NOP2: variants seen among roughly 807,000 people sequenced by gnomAD.
The protein encoded by NOP2 is NOP2 nucleolar protein.
In NOP2, 7 loss-of-function variants were observed where a neutral mutation model predicts 72.7. That is an observed-to-expected ratio of 0.10 (90% CI 0.05 to 0.18). NOP2 has a LOEUF of 0.18. Among genes scored for constraint, NOP2 ranks in the 10% least tolerant of loss-of-function variants. The pLI is 1.00. For synonymous variants in NOP2, 387 were observed against 388.0 expected (o/e 1.00, Z 0.03); for missense variants, 954 against 1,014.7 (o/e 0.94, Z 0.81).
chr12:6,557,668 G>A (rs180936422), intron 15 of NOP2, 26 bp from the exon 16 acceptor site: 3 of 1,574,762 alleles, frequency 1.9e-6, no homozygotes. Flanking sequence ...AACAGATGGT[G>A]TCAGAAAATG....
chr12:6,566,841 C>T lies in NOP2; in HGVS notation c.104-19G>A, dbSNP rs370808041. Reference sequence around the variant, plus strand: ...TCACTTACTGTTTAAAAAAGAAAAACGAGGCAGAACAAGTTACAGGGGACA... The same window carrying T: ...TCACTTACTGTTTAAAAAAGAAAAATGAGGCAGAACAAGTTACAGGGGACA... On this transcript the variant is annotated intron_variant, in intron 2 of 15. Coordinates refer to ENST00000322166, the MANE Select transcript of NOP2 (RefSeq NM_001258308.2). 3.7e-5 allele frequency: 60 copies of T among 1,602,650 alleles called. No individual in the cohort carries two copies. The highest frequency in any genetic ancestry group is 1.7e-4 in the Middle Eastern group (1 of 6,052).
rs988865275 is a variant in NOP2, at chr12:6,563,697, T to A, written c.605A>T (p.Lys202Met). The A allele has an allele frequency of 1.9e-6, 3 of 1,613,582 alleles. No individual in the cohort carries two copies. In the African/African-American group the frequency reaches 4.0e-5, roughly 22 times the overall value. ...CAGGCCCCCATCTGCCTCTTCCACC[T>A]TTGGGGGGCCTGACTCAGGGGTCAC... Reference protein sequence around the residue: ...KEVTPESGPPKVEEADGGLQI... With the variant: ...KEVTPESGPPMVEEADGGLQI... The change falls in exon 7 of 16, where the codon AAG (lysine) becomes ATG (methionine). Residue 202 changes from lysine to methionine, a missense_variant. Transcript: ENST00000322166.
At chr12:6,564,075 C>G in intron 5 of NOP2, 129 bp from the exon 6 acceptor site, 1 of 1,531,090 alleles carries the variant, frequency 6.5e-7, no homozygotes, top group South Asian at 1.2e-5. Context: ...AATAGAGGAG[C>G]AAAGAAATGA....
chr12:6,563,978 C>T (rs779782932), intron 5 of NOP2, 32 bp from the exon 6 acceptor site: 4 of 1,607,600 alleles, frequency 2.5e-6, no homozygotes, highest in East Asian at 4.5e-5. Context: ...TAATACAGGC[C>T]TGCCCTTCCA....
chr12:6,567,560 C>G (rs1947815417), intron 2 of NOP2: 6 of 382,382 alleles, frequency 1.6e-5, no homozygotes, highest in Admixed American at 4.6e-5. Context: ...CATGGGCTCC[C>G]CCTTCCTCTG....
Position 6,566,327 on chromosome 12 carries a change from G to A in NOP2, c.248C>T (p.Ala83Val), listed in dbSNP as rs752096664. ...CTTACCAGCTGTCTGGACAGCTCCT[G>A]CAGAGATCCCTAAGGGTTTGAAGAG... is the stretch of plus-strand genomic sequence containing the variant. ...LPGKLPKGIS[A>V]GAVQTAGKKG... Residue 83 changes from alanine to valine, a missense_variant, in exon 5 of 16, where the codon GCA (alanine) becomes GTA (valine). Around this residue, in one of 3 missense-constraint regions of NOP2, gnomAD observed 498 missense variants for 478.3 expected, o/e 1.04. Transcript: ENST00000322166. 1 of 1,612,614 alleles carries A rather than the reference G, an allele frequency of 6.2e-7. No individual in the cohort carries two copies. Among genetic ancestry groups the A allele is most frequent in the Admixed American group, 1.7e-5 (1 of 59,940 alleles).
chr12:6,560,814 A>G lies in NOP2; in HGVS notation c.1348-27T>C. On this transcript the variant is annotated intron_variant, in intron 12 of 15. Transcript: ENST00000322166. This position sits in a 1 kb window ranked among gnomAD's most constrained non-coding sequence, Gnocchi z 5.0. ...TGGAGAAAAGATACAGATGAATCATATGTCTCTTCTGCAACCAGCAGGGCA... is the reference window on the plus strand; with the variant it reads ...TGGAGAAAAGATACAGATGAATCATGTGTCTCTTCTGCAACCAGCAGGGCA... The G allele has an allele frequency of 6.2e-7, 1 of 1,608,916 alleles. No homozygotes were observed. The highest frequency in any genetic ancestry group is 8.5e-7 in the Non-Finnish European group (1 of 1,176,920).
Position 6,568,133 on chromosome 12 carries a change from G to C in NOP2, c.-5+74C>G, listed in dbSNP as rs1241535883. ...CGCCCTCCCACCTGAAACCCAGGTA[G>C]CGCACCCTTCTCCCCACGTCCCAGA... On this transcript the variant is annotated intron_variant, in intron 1 of 15. Transcript: ENST00000322166. 1.7e-5 allele frequency: 10 copies of C among 581,514 alleles called. No individual in the cohort carries two copies. In the East Asian group the frequency reaches 2.9e-4, roughly 17 times the overall value. 36.0% of individuals were successfully genotyped at this position (581,514 alleles called of 1,614,324 possible). A position where few individuals can be genotyped will look rare whatever the true frequency, so the allele number is the denominator to read the frequency against.
At position 6,557,371 on chromosome 12, in the gene NOP2, T is replaced by C. The variant is rs1947514831; in HGVS notation, c.2061A>G (p.Glu687=). The change falls in exon 16 of 16, where the codon GAA becomes GAG. Residue 687 remains glutamate, a synonymous_variant. Transcript: ENST00000322166. ...CAGTCACCTTTGGCTCCCTGATCCC[T>C]TCGGCTTTTCCAGCTGGCTGACTGC... is the stretch of plus-strand genomic sequence containing the variant. ...QDSSQPAGKA[E]GIREPKVTGK... 1 of 1,613,958 alleles carries C rather than the reference T, an allele frequency of 6.2e-7. No individual in the cohort carries two copies. Among genetic ancestry groups the C allele is most frequent in the South Asian group, 1.1e-5 (1 of 91,094 alleles).
chr12:6,566,448 C>G, intron 4 of NOP2, 81 bp downstream of exon 4: 2 of 1,525,282 alleles, frequency 1.3e-6, no homozygotes, highest in Non-Finnish European at 9.1e-7. Flanking sequence ...TCCTTTCACT[C>G]CGGAAATGTT....
At position 6,557,324 on chromosome 12, in the gene NOP2, G is replaced by A. The variant is rs774170503; in HGVS notation, c.2108C>T (p.Pro703Leu). Residue 703 changes from proline (P) to leucine (L), a missense_variant, in exon 16 of 16, where the codon CCT (proline) becomes CTT (leucine). Physicochemically the swap from Pro to Leu is moderately conservative, Grantham distance 98 (BLOSUM62 -3). Coordinates refer to ENST00000322166, the MANE Select transcript of NOP2 (RefSeq NM_001258308.2). ...AACTTTCTTGGAGGACTGTAATTTA[G>A]GTGATCGTTGCTTTAGCTTCCCAGT... ...KVTGKLKQRS[P>L]KLQSSKKVAF... 9 of 1,614,030 alleles carry A rather than the reference G, an allele frequency of 5.6e-6. No individual in the cohort carries two copies. The South Asian group carries it at 7.7e-5, about 14-fold the overall frequency.
chr12:6,566,903 A>T (rs1243055154), intron 2 of NOP2, 81 bp from the exon 3 acceptor site: 1 of 1,134,178 alleles, frequency 8.8e-7, no homozygotes, highest in East Asian at 2.5e-5. Context: ...ACATGGTAAG[A>T]GAATTAGTAC....
intron 8 of NOP2, 58 bp from the exon 9 acceptor site, chr12:6,563,228 G>A: frequency 1.3e-6 from 2 of 1,547,890 alleles, no homozygotes; most frequent in Middle Eastern, 1.7e-4. Flanking sequence ...AGTCAGAAGA[G>A]GGGAGCAAGG....
intron 5 of NOP2, among the ~76,000 whole-genome samples, chr12:6,565,159 T>A (rs538074161): frequency 1.1e-3 from 169 of 147,080 alleles, no homozygotes; most frequent in Middle Eastern, 0.011. Flanking sequence ...GCAGTTATTT[T>A]TTTTTTTTTT....
Position 6,564,026 on chromosome 12 carries a change from T to C in NOP2, c.475-80A>G, listed in dbSNP as rs1438130752. On this transcript the variant is annotated intron_variant, in intron 5 of 15. Transcript: ENST00000322166. ...GCAGTTCTATCTCTATATCTTATTT[T>C]TTCGCTAAATAAAAATCCAACACTT... The C allele has an allele frequency of 1.9e-5, 29 of 1,551,540 alleles. No individual in the cohort carries two copies. In the Admixed American group the frequency reaches 5.7e-4, roughly 30 times the overall value.
In NOP2 at chr12:6,560,999, C is replaced by T. The variant is rs1947633877; in HGVS notation, c.1279G>A (p.Gly427Ser). 3.1e-6 allele frequency: 5 copies of T among 1,613,958 alleles called. No homozygotes were observed. Among genetic ancestry groups the T allele is most frequent in the Non-Finnish European group, 4.2e-6 (5 of 1,179,902 alleles). Residue 427 changes from glycine (G) to serine (S), a missense_variant, in exon 12 of 16, where the codon GGC becomes AGC. Gly to Ser is a moderately conservative substitution (Grantham distance 56, BLOSUM62 0). Transcript: ENST00000322166. This position sits in a 1 kb window ranked among gnomAD's most constrained non-coding sequence, Gnocchi z 5.0. ...ANAERLKSVV[G>S]NLHRLGVTNT... ...GTGACTCCCAGCCGATGCAAGTTGC[C>T]CACAACACTCTTGAGCCGCTCAGCA...
At position 6,560,270 on chromosome 12, in the gene NOP2, C is replaced by T. The variant is rs372438344; in HGVS notation, c.1617G>A (p.Leu539=). 8 of 1,613,886 alleles carry T rather than the reference C, an allele frequency of 5.0e-6. No individual in the cohort carries two copies. The highest frequency in any genetic ancestry group is 6.8e-6 in the Non-Finnish European group (8 of 1,179,900). ...DYALKKRNVR[L]VPTGLDFGQE... is the part of the protein sequence containing the mutation. ...GGCCAAAGTCTAGGCCCGTGGGCAC[C>T]AGTCGCACATTCCTCTTTTTCAGAG... Residue 539 remains leucine, a synonymous_variant, in exon 15 of 16, where the codon CTG becomes CTA. Transcript: ENST00000322166. The surrounding 1 kb of genome is among the most constrained non-coding windows in gnomAD (Gnocchi z 5.0).
rs760618344 is a variant in NOP2, at chr12:6,557,119, C to A, written c.2313G>T (p.Gln771His). ...GCCCCTTGGGGGTATCATTCTGTTTCTGGAAGGCAGCTTTCTCAAAAGGCT... is the reference window on the plus strand; with the variant it reads ...GCCCCTTGGGGGTATCATTCTGTTTATGGAAGGCAGCTTTCTCAAAAGGCT... ...PEQPFEKAAF[Q>H]KQNDTPKGPQ... The change falls in exon 16 of 16, where the codon CAG (glutamine) becomes CAT (histidine). Residue 771 changes from glutamine (Q) to histidine (H), a missense_variant. Physicochemically the swap from Gln to His is conservative, Grantham distance 24 (BLOSUM62 0). This residue lies in a region of NOP2 where 269 missense variants were observed against 260.2 expected (regional missense o/e 1.03). Coordinates refer to ENST00000322166, the MANE Select transcript of NOP2 (RefSeq NM_001258308.2). 3 of 1,613,998 alleles carry A rather than the reference C, an allele frequency of 1.9e-6. No homozygotes were observed. The highest frequency in any genetic ancestry group is 2.5e-6 in the Non-Finnish European group (3 of 1,179,908).
intron 9 of NOP2, among the ~76,000 whole-genome samples, chr12:6,562,347 A>G (rs1334201188): frequency 6.6e-6 from 1 of 152,188 alleles, no homozygotes; most frequent in African/African-American, 2.4e-5. Context: ...AGATGAAGAC[A>G]TTAAACACAT....
Sources: allele counts gnomAD v4.1 joint callset (sites outside exome capture counted in the v4.1 genomes callset), GRCh38; gene constraint gnomAD v4.1.1; regional missense constraint gnomAD v4.1.1; non-coding constraint Gnocchi (gnomAD v3.1); transcripts MANE v1.5; gene names NCBI Gene and HGNC (gene_info 2026-07-23, HGNC 2026-07-21).